RORB: variants seen among roughly 807,000 people sequenced by gnomAD.
RORB encodes the protein nuclear receptor ROR-beta.
In RORB, 6 loss-of-function variants were observed where a neutral mutation model predicts 59.1. That is an observed-to-expected ratio of 0.10 (90% confidence interval 0.06 to 0.20). The LOEUF is 0.20. Among genes scored for constraint, RORB ranks in the 10% least tolerant of loss-of-function variants. The pLI is 1.00. For missense variants in RORB, 320 were observed against 560.5 expected (o/e 0.57, Z 4.33); for synonymous variants, 215 against 204.5 (o/e 1.05, Z -0.44).
chr9:74,682,295 A>C (rs1367962413), intron 9 of RORB, among the ~76,000 whole-genome samples: 1 of 51,964 alleles, frequency 1.9e-5, no homozygotes, highest in Non-Finnish European at 3.5e-5. Flanking sequence ...GGGTGGGGGG[A>C]GGGGGGAGGG....
At chr9:74,652,704 C>T (rs12352112) in intron 4 of RORB, among the ~76,000 whole-genome samples, 13,242 of 152,040 alleles carry the variant, frequency 0.087, 925 homozygotes, top group African/African-American at 0.19. Context: ...TTATGCCATT[C>T]GCTGATATGT....
chr9:74,601,908 A>G (rs1823063403), intron 1 of RORB, among the ~76,000 whole-genome samples: 1 of 152,174 alleles, frequency 6.6e-6, no homozygotes, highest in Non-Finnish European at 1.5e-5. Context: ...GCAACTTCTT[A>G]ATTTTGACAT....
At chr9:74,542,599 G>A (rs2118137865) in intron 1 of RORB, among the ~76,000 whole-genome samples, 1 of 152,268 alleles carries the variant, frequency 6.6e-6, no homozygotes, top group South Asian at 2.1e-4. Flanking sequence ...CAATATTTAA[G>A]AAGATACTCT....
chr9:74,653,008 GA>G (rs1171331441), intron 4 of RORB, among the ~76,000 whole-genome samples: 1 of 152,136 alleles, frequency 6.6e-6, no homozygotes, highest in African/African-American at 2.4e-5. Flanking sequence ...ATAGGGATTA[GA>G]AAAATCAGAA....
chr9:74,504,034 A>G (rs998401590), intron 1 of RORB, among the ~76,000 whole-genome samples: 1 of 152,050 alleles, frequency 6.6e-6, no homozygotes, highest in African/African-American at 2.4e-5. Flanking sequence ...ATAATGTGAC[A>G]AAATTATTGT....
At chr9:74,624,166 G>C (rs1242640965) in intron 1 of RORB, among the ~76,000 whole-genome samples, 1 of 151,916 alleles carries the variant, frequency 6.6e-6, no homozygotes, top group South Asian at 2.1e-4. Flanking sequence ...TCTAACTTTC[G>C]ATGATAAATG....
chr9:74,540,438 G>A (rs1826388208), intron 1 of RORB, among the ~76,000 whole-genome samples: 1 of 152,106 alleles, frequency 6.6e-6, no homozygotes, highest in Non-Finnish European at 1.5e-5. Context: ...GTATTAATTG[G>A]TTTAATATTC....
intron 4 of RORB, among the ~76,000 whole-genome samples, chr9:74,643,563 T>C (rs1008501790): frequency 1.3e-5 from 2 of 152,228 alleles, no homozygotes; most frequent in East Asian, 1.9e-4. Context: ...AGGAGTCTAT[T>C]AAATGTTTAA....
intron 1 of RORB, among the ~76,000 whole-genome samples, chr9:74,611,320 G>A (rs1429059774): frequency 2.0e-5 from 3 of 152,104 alleles, no homozygotes; most frequent in Admixed American, 1.3e-4. Flanking sequence ...CCAGATCAAG[G>A]GGATGAAGGG....
rs1049017835 is a variant in RORB, at chr9:74,614,561, T to A, written c.8-15721T>A. Among the ~76,000 whole-genome samples, 11 of 152,008 alleles carry A rather than the reference T, an allele frequency of 7.2e-5. No individual in the cohort carries two copies. In the East Asian group the frequency reaches 2.1e-3, roughly 29 times the overall value. ...ACAATACATGTGTCCTAGAACATCA[T>A]GTTGTATATTTTAAATATACATAAT... On this transcript the variant is annotated intron_variant, in intron 1 of 9. Transcript: ENST00000376896.
chr9:74,530,484 G>C (rs1219832795), intron 1 of RORB, among the ~76,000 whole-genome samples: 1 of 151,992 alleles, frequency 6.6e-6, no homozygotes, highest in Non-Finnish European at 1.5e-5. Flanking sequence ...TAGATCCAGA[G>C]ACGATGGACC....
intron 7 of RORB, among the ~76,000 whole-genome samples, chr9:74,665,829 T>C (rs1234270437): frequency 3.3e-5 from 5 of 152,162 alleles, no homozygotes; most frequent in Non-Finnish European, 7.3e-5. Context: ...AACAACCCTA[T>C]TGAGACATCG....
intron 1 of RORB, among the ~76,000 whole-genome samples, chr9:74,621,211 T>G (rs1236414065): frequency 6.6e-6 from 1 of 152,320 alleles, no homozygotes; most frequent in East Asian, 1.9e-4. Flanking sequence ...CATTACAGTA[T>G]TGTACAGAAT....
intron 4 of RORB, among the ~76,000 whole-genome samples, chr9:74,649,841 C>A (rs1404057872): frequency 6.6e-6 from 1 of 152,172 alleles, no homozygotes; most frequent in African/African-American, 2.4e-5. Context: ...ACAGTTTTCC[C>A]AATGTGCTAG....
At chr9:74,527,391 CT>C (rs1826170320) in intron 1 of RORB, among the ~76,000 whole-genome samples, 1 of 151,938 alleles carries the variant, frequency 6.6e-6, no homozygotes, top group African/African-American at 2.4e-5. Context: ...CCAAAACCCC[CT>C]ACCCTAATGA....
At chr9:74,549,651 G>C (rs1370743547) in intron 1 of RORB, among the ~76,000 whole-genome samples, 1 of 151,236 alleles carries the variant, frequency 6.6e-6, no homozygotes, top group African/African-American at 2.4e-5. Flanking sequence ...GAAAGAAAGA[G>C]AGAAGAGACT....
intron 1 of RORB, among the ~76,000 whole-genome samples, chr9:74,561,897 C>T (rs1587360236): frequency 1.3e-5 from 2 of 152,136 alleles, no homozygotes; most frequent in African/African-American, 2.4e-5. Flanking sequence ...CTCTCATGAC[C>T]TTAGCACTTT....
chr9:74,570,499 G>A (rs1822535257), intron 1 of RORB, among the ~76,000 whole-genome samples: 1 of 152,132 alleles, frequency 6.6e-6, no homozygotes, highest in South Asian at 2.1e-4. Flanking sequence ...ACTGGAGATA[G>A]AAAAGATCGG....
chr9:74,569,670 A>C (rs1822521407), intron 1 of RORB, among the ~76,000 whole-genome samples: 1 of 152,102 alleles, frequency 6.6e-6, no homozygotes, highest in African/African-American at 2.4e-5. Context: ...GGTGACTTTA[A>C]AAATAATCTA....
Sources: allele counts gnomAD v4.1 joint callset (sites outside exome capture counted in the v4.1 genomes callset), GRCh38; gene constraint gnomAD v4.1.1; transcripts MANE v1.5; gene names NCBI Gene and HGNC (gene_info 2026-07-23, HGNC 2026-07-21).